The following HIPK3 variants were observed in gnomAD, a reference collection of about 807,000 sequenced individuals.
The protein encoded by HIPK3 is homeodomain interacting protein kinase 3, also known as homeodomain-interacting protein kinase 3.
Under a neutral mutation model 124.2 loss-of-function variants are expected in HIPK3, and 47 were observed. That is an observed-to-expected ratio of 0.38 (90% CI 0.30 to 0.48). The LOEUF (loss-of-function observed/expected upper bound fraction) is 0.48, where lower values mean the gene tolerates loss of function less well. HIPK3 is among the 20% of genes least tolerant of loss of function. The probability of loss-of-function intolerance (pLI) is 0.98; values close to 1 mark genes in which losing one functional copy is unlikely to be tolerated. For missense variants in HIPK3, 1,286 were observed against 1,454.3 expected (o/e 0.88, Z 1.88); for synonymous variants, 482 against 515.2 (o/e 0.94, Z 0.87).
intron 7 of HIPK3, 90 bp downstream of exon 7, chr11:33,341,217 GT>G: frequency 1.1e-6 from 1 of 909,300 alleles, no homozygotes; most frequent in Non-Finnish European, 1.6e-6. Context: ...GGTGTCAGTT[GT>G]TAGAATGTAC....
At chr11:33,344,151 A>G (rs954296126) in intron 8 of HIPK3, among the ~76,000 whole-genome samples, 5 of 152,220 alleles carry the variant, frequency 3.3e-5, no homozygotes, top group African/African-American at 1.2e-4. Flanking sequence ...TACAGTGCAC[A>G]TACATGTACT....
chr11:33,301,642 G>A lies in HIPK3; in HGVS notation c.1097+14131G>A, dbSNP rs2133927013. ...TATAAAAAAAAAAAAAAAAAACTTG[G>A]GCATGGTGGAGCACACCTGTAATCT... On this transcript the variant is annotated intron_variant, in intron 2 of 16. Coordinates refer to ENST00000303296, the MANE Select transcript of HIPK3 (RefSeq NM_005734.5). Among the ~76,000 whole-genome samples the A allele has an allele frequency of 1.3e-5, 2 of 151,614 alleles. 1 individual carries two copies. The highest frequency in any genetic ancestry group is 4.2e-4 in the South Asian group (2 of 4,800).
chr11:33,285,955 A>G (rs1851538163), intron 1 of HIPK3, among the ~76,000 whole-genome samples: 1 of 152,054 alleles, frequency 6.6e-6, no homozygotes, highest in South Asian at 2.1e-4. Context: ...CATTATTAGT[A>G]GAGTTGGGAT....
At chr11:33,295,116 C>T (rs1851804135) in intron 2 of HIPK3, among the ~76,000 whole-genome samples, 2 of 152,132 alleles carry the variant, frequency 1.3e-5, no homozygotes, top group Middle Eastern at 3.4e-3. Flanking sequence ...GAAACGAACC[C>T]GTAGAAAGTG....
At chr11:33,268,603 A>T (rs1474760452) in intron 1 of HIPK3, among the ~76,000 whole-genome samples, 3 of 151,138 alleles carry the variant, frequency 2.0e-5, no homozygotes, top group African/African-American at 7.4e-5. Context: ...AAAAAAAAAA[A>T]AAAAAAAAAA....
intron 1 of HIPK3, among the ~76,000 whole-genome samples, chr11:33,278,659 A>G (rs1384204931): frequency 1.3e-5 from 2 of 152,166 alleles, no homozygotes; most frequent in Non-Finnish European, 2.9e-5. Context: ...CCTGGCTAAC[A>G]TGGTGAAACT....
chr11:33,321,608 C>A (rs1286469079), intron 2 of HIPK3, among the ~76,000 whole-genome samples: 1 of 152,078 alleles, frequency 6.6e-6, no homozygotes, highest in Non-Finnish European at 1.5e-5. Flanking sequence ...TTTCAAATTA[C>A]ATCTATTTAT....
chr11:33,258,773 CT>C, intron 1 of HIPK3: 4 of 966,668 alleles, frequency 4.1e-6, no homozygotes, highest in Non-Finnish European at 4.9e-6. Context: ...CGTAAATTAC[CT>C]TGGACTTGTT....
intron 1 of HIPK3, among the ~76,000 whole-genome samples, chr11:33,263,387 C>T (rs1850875519): frequency 6.6e-6 from 1 of 152,158 alleles, no homozygotes; most frequent in African/African-American, 2.4e-5. Context: ...GCGATCTTGG[C>T]TCACTACAAC....
intron 2 of HIPK3, among the ~76,000 whole-genome samples, chr11:33,304,686 T>C (rs1852104176): frequency 6.6e-6 from 1 of 152,242 alleles, no homozygotes; most frequent in Non-Finnish European, 1.5e-5. Flanking sequence ...ATACATATTA[T>C]GCTTCATTTA....
At position 33,355,307 on chromosome 11, in the gene HIPK3, A is replaced by G. The variant is rs890565688; in HGVS notation, c.*1739A>G. The G allele has an allele frequency of 6.6e-6, 1 of 152,032 alleles. No homozygotes were observed. The highest frequency in any genetic ancestry group is 2.4e-5 in the African/African-American group (1 of 41,440). The allele number at this position is 152,032 out of a possible 1,614,324, so 9.4% of individuals were successfully genotyped here. On this transcript the variant is annotated 3_prime_UTR_variant, in exon 17 of 17. Transcript: ENST00000303296. The stretch of plus-strand genomic sequence containing the variant: ...TACTTTGGGGTGTGTTATTTGCATC[A>G]GTATTTTATCTCTATTAATGTTTGT...
chr11:33,282,685 A>G (rs996119702), intron 1 of HIPK3, among the ~76,000 whole-genome samples: 2 of 152,204 alleles, frequency 1.3e-5, no homozygotes, highest in Non-Finnish European at 2.9e-5. Context: ...TGTATCAAAA[A>G]AAAAAAATTA....
intron 2 of HIPK3, among the ~76,000 whole-genome samples, chr11:33,305,391 C>T (rs776662817): frequency 2.0e-5 from 3 of 152,094 alleles, no homozygotes; most frequent in Non-Finnish European, 4.4e-5. Flanking sequence ...AAGGTAGATG[C>T]TCTTATATGA....
intron 6 of HIPK3, among the ~76,000 whole-genome samples, chr11:33,340,652 TG>T (rs1163291214): frequency 2.6e-5 from 4 of 152,164 alleles, no homozygotes; most frequent in Non-Finnish European, 5.9e-5. Flanking sequence ...GTTAATTTAG[TG>T]GTGTGGAGAT....
chr11:33,307,234 C>T (rs544187464), intron 2 of HIPK3, among the ~76,000 whole-genome samples: 82 of 151,364 alleles, frequency 5.4e-4, no homozygotes, highest in African/African-American at 1.8e-3. Flanking sequence ...CCACCATGCC[C>T]GGCCAGATGC....
chr11:33,257,215 G>A, upstream of HIPK3: 2 of 983,858 alleles, frequency 2.0e-6, no homozygotes, highest in Non-Finnish European at 2.4e-6. Context: ...GCGCGGCTGC[G>A]GACTGGCGGG....
chr11:33,348,147 T>A lies in HIPK3; in HGVS notation c.2307-19T>A. ...GCTTTGTTACAAACACTAAGCCAGC[T>A]CCCTTCTCAATTTCTCAGAGGTATT... On this transcript the variant is annotated intron_variant, in intron 11 of 16. Coordinates refer to ENST00000303296, the MANE Select transcript of HIPK3 (RefSeq NM_005734.5). 6.2e-7 allele frequency: 1 copy of A among 1,613,044 alleles called. No homozygotes were observed. Among genetic ancestry groups the A allele is most frequent in the East Asian group, 2.2e-5 (1 of 44,860 alleles).
At chr11:33,343,006 A>T (rs1422772801) in intron 8 of HIPK3, among the ~76,000 whole-genome samples, 3 of 152,164 alleles carry the variant, frequency 2.0e-5, no homozygotes, top group African/African-American at 7.2e-5. Flanking sequence ...CAAGAGGTCA[A>T]TTACAGATGG....
rs1344980326 is a variant in HIPK3 at position 33,328,490 on chromosome 11, G to T, written c.1098-20G>T. ...TTAGAGAAAAACCACCCTGATTTTT[G>T]TTTTAATTTTAAATTTCAGAGCTCC... On this transcript the variant is annotated intron_variant, in intron 2 of 16. Transcript: ENST00000303296. 6.2e-6 allele frequency: 10 copies of T among 1,602,156 alleles called. No individual in the cohort carries two copies. Among genetic ancestry groups the T allele is most frequent in the African/African-American group, 4.0e-5 (3 of 74,314 alleles).
Sources: gnomAD v4.1 joint callset for allele counts (sites outside exome capture counted in the v4.1 genomes callset) on GRCh38, gnomAD v4.1.1 for gene constraint, MANE v1.5 for transcripts, NCBI Gene and HGNC (gene_info 2026-07-23, HGNC 2026-07-21) for gene names.